Variants in CENPU observed in about 807,000 individuals in gnomAD.
CENPU encodes the protein centromere protein U.
In CENPU, 46 loss-of-function variants were observed where a neutral mutation model predicts 56.7. The observed-to-expected ratio is 0.81, with a 90% CI of 0.64 to 1.04. The LOEUF is 1.04. Ranked by LOEUF, CENPU falls within the 50% of genes least tolerant of loss-of-function variation. The pLI is 0.00. For missense variants in CENPU, 510 were observed against 490.1 expected, an observed-to-expected ratio of 1.04 and a Z score of -0.38; for synonymous variants, 166 against 163.0, an observed-to-expected ratio of 1.02 and a Z score of -0.14.
chr4:184,698,018 AGTG>A, intron 11 of CENPU: 1 of 494,880 alleles, frequency 2.0e-6, no homozygotes, highest in Non-Finnish European at 3.6e-6. Context: ...AATAATTAGC[AGTG>A]ATATCCACAG....
At chr4:184,706,700 T>C (rs936669281) in intron 8 of CENPU, among the ~76,000 whole-genome samples, 3 of 152,204 alleles carry the variant, frequency 2.0e-5, no homozygotes, top group Non-Finnish European at 2.9e-5. Flanking sequence ...GAGTGAAGTG[T>C]TTCACGTGGC....
intron 8 of CENPU, among the ~76,000 whole-genome samples, chr4:184,708,176 T>C (rs1760789735): frequency 7.6e-6 from 1 of 132,128 alleles, no homozygotes; most frequent in South Asian, 2.4e-4. Context: ...GGGACTGAGA[T>C]CGCGCTACGG....
At chr4:184,733,942 G>A in intron 1 of CENPU, 74 bp downstream of exon 1, 1 of 1,597,370 alleles carries the variant, frequency 6.3e-7, no homozygotes. Flanking sequence ...GCCGGGAGGC[G>A]CAAACCACGG....
In CENPU at chr4:184,694,537, ACAGATGAAG is replaced by A. The variant is rs145762735; in HGVS notation, c.*742_*750del. The stretch of plus-strand genomic sequence containing the variant: ...TGAAATAAAGGAAGAAGAGTTTACA[ACAGATGAAG>A]CAGATGAAACTAGGAGCAATGAAAC... On this transcript the variant is annotated 3_prime_UTR_variant, in exon 13 of 13. Transcript: ENST00000281453. 0.011 allele frequency: 17,205 copies of A among 1,613,116 alleles called. 1,460 individuals carry two copies. The African/African-American group carries it at 0.19, about 18-fold the overall frequency.
At position 184,694,773 on chromosome 4, in the gene CENPU, A is replaced by G. The variant is rs575622761; in HGVS notation, c.*515T>C. ...ATGAACTAATTATAGAAGTATTACA[A>G]GAGTAACTAATTCACTATGAACACT... On this transcript the variant is annotated 3_prime_UTR_variant, in exon 13 of 13. Coordinates refer to ENST00000281453, the MANE Select transcript of CENPU (RefSeq NM_024629.4). The G allele has an allele frequency of 2.3e-5, 37 of 1,607,116 alleles. No individual in the cohort carries two copies. The highest frequency in any genetic ancestry group is 2.0e-5 in the Non-Finnish European group (23 of 1,173,956).
At chr4:184,724,138 C>T (rs60259562) in intron 4 of CENPU, among the ~76,000 whole-genome samples, 17,510 of 150,508 alleles carry the variant, frequency 0.12, 1,236 homozygotes, top group Middle Eastern at 0.18. Flanking sequence ...TGGTGGCGGG[C>T]GCCTGTAGTC....
chr4:184,730,054 C>T (rs1761585076), intron 2 of CENPU, among the ~76,000 whole-genome samples: 1 of 152,172 alleles, frequency 6.6e-6, no homozygotes, highest in Admixed American at 6.5e-5. Flanking sequence ...GTCTTCCAGC[C>T]CCTCCCAAGG....
chr4:184,709,248 G>A (rs1001737460), intron 8 of CENPU, among the ~76,000 whole-genome samples: 2 of 152,102 alleles, frequency 1.3e-5, no homozygotes, highest in African/African-American at 4.8e-5. Context: ...CAGCACTTTG[G>A]GAGGCTGAGG....
At position 184,694,718 on chromosome 4, in the gene CENPU, G is replaced by A. The variant is rs976858896; in HGVS notation, c.*570C>T. 1.2e-6 allele frequency: 2 copies of A among 1,613,326 alleles called. No individual in the cohort carries two copies. The highest frequency in any genetic ancestry group is 2.2e-5 in the South Asian group (2 of 91,074). On this transcript the variant is annotated 3_prime_UTR_variant, in exon 13 of 13. Transcript: ENST00000281453. ...GAAGCTGCAGAGAACAGTCTTCTCAGTTATAACAGTGAAGTGGATGAAATT... is the reference window on the plus strand; with the variant it reads ...GAAGCTGCAGAGAACAGTCTTCTCAATTATAACAGTGAAGTGGATGAAATT...
Position 184,694,848 on chromosome 4 carries a change from T to TATCA in CENPU, c.*436_*439dup. 7.5e-7 allele frequency: 1 copy of TATCA among 1,337,694 alleles called. No individual in the cohort carries two copies. Among genetic ancestry groups the TATCA allele is most frequent in the East Asian group, 2.3e-5 (1 of 43,052 alleles). The allele number at this position is 1,337,694 out of a possible 1,614,324, so 82.9% of individuals were successfully genotyped here. A position where few individuals can be genotyped will look rare whatever the true frequency, so the allele number is the denominator to read the frequency against. ...TGATGTCTGTGAGATTTGATAAATA[T>TATCA]ATCATTCAACCTGTTTATATAAACT... On this transcript the variant is annotated 3_prime_UTR_variant, in exon 13 of 13. Coordinates refer to ENST00000281453, the MANE Select transcript of CENPU (RefSeq NM_024629.4).
Position 184,727,817 on chromosome 4 carries a change from A to G in CENPU, c.214+1101T>C, listed in dbSNP as rs73874437. Among the ~76,000 whole-genome samples the G allele has an allele frequency of 8.8e-3, 1,338 of 152,354 alleles. 19 individuals are homozygous for G. Among genetic ancestry groups the G allele is most frequent in the African/African-American group, 0.03 (1,267 of 41,586 alleles). ...CAATGGAGTATCACTGAGCTATAAA[A>G]ACTTACAGGAATGAGGTAGATACAC... On this transcript the variant is annotated intron_variant, in intron 3 of 12. Transcript: ENST00000281453.
chr4:184,726,987 C>T (rs1414035926), intron 3 of CENPU, among the ~76,000 whole-genome samples: 9 of 92,552 alleles, frequency 9.7e-5, no homozygotes, highest in Non-Finnish European at 2.0e-4. Flanking sequence ...GGGGGGGGGG[C>T]GCCTGGAATC....
intron 12 of CENPU, among the ~76,000 whole-genome samples, chr4:184,695,676 A>G (rs1407401974): frequency 6.6e-6 from 1 of 152,114 alleles, no homozygotes; most frequent in Non-Finnish European, 1.5e-5. Flanking sequence ...CATCTCTATT[A>G]CTGGAGACAG....
chr4:184,698,956 T>C (rs78541072), intron 11 of CENPU, among the ~76,000 whole-genome samples: 160 of 152,304 alleles, frequency 1.1e-3, no homozygotes, highest in African/African-American at 3.7e-3. Flanking sequence ...TACCATAGGT[T>C]TTTTTATTAT....
chr4:184,702,739 G>C (rs1433597605), intron 8 of CENPU, among the ~76,000 whole-genome samples: 3 of 152,078 alleles, frequency 2.0e-5, no homozygotes, highest in Admixed American at 2.0e-4. Flanking sequence ...CTTCCCTCTA[G>C]GAGTCCCCAG....
Position 184,728,918 on chromosome 4 carries a change from C to G in CENPU, c.214G>C (p.Asp72His). 6.2e-7 allele frequency: 1 copy of G among 1,608,196 alleles called. No homozygotes were observed. The highest frequency in any genetic ancestry group is 8.5e-7 in the Non-Finnish European group (1 of 1,174,872). ...EKDEETYETF[D>H]PPLHSTAIYA... ...TAGGATAAAGATTTAAAGTACTAACCAAAGGTCTCATAAGTTTCTTCATCT... is the reference window on the plus strand; with the variant it reads ...TAGGATAAAGATTTAAAGTACTAACGAAAGGTCTCATAAGTTTCTTCATCT... Residue 72 changes from aspartate (D) to histidine (H), a missense_variant and splice_region_variant, in exon 3 of 13, where the codon GAT becomes CAT. Physicochemically the swap from Asp to His is moderately conservative, Grantham distance 81. Coordinates refer to ENST00000281453, the MANE Select transcript of CENPU (RefSeq NM_024629.4).
chr4:184,697,881 G>A (rs113857672), intron 11 of CENPU, 78 bp from the exon 12 acceptor site: 40 of 1,139,658 alleles, frequency 3.5e-5, no homozygotes, highest in African/African-American at 7.8e-5. Context: ...TACGCTGAGC[G>A]AGTGTGAAGA....
chr4:184,720,015 C>A (rs1435099173), intron 4 of CENPU, among the ~76,000 whole-genome samples: 1 of 152,062 alleles, frequency 6.6e-6, no homozygotes, highest in Non-Finnish European at 1.5e-5. Context: ...TGAAACATGA[C>A]CTCATCAAAT....
At chr4:184,719,232 A>G (rs1761193165) in intron 4 of CENPU, among the ~76,000 whole-genome samples, 1 of 152,214 alleles carries the variant, frequency 6.6e-6, no homozygotes, top group Non-Finnish European at 1.5e-5. Context: ...TTGACTTCCC[A>G]CTGCTGAAAG....
Sources: allele counts gnomAD v4.1 joint callset (sites outside exome capture counted in the v4.1 genomes callset), GRCh38; gene constraint gnomAD v4.1.1; transcripts MANE v1.5; gene names NCBI Gene and HGNC (gene_info 2026-07-23, HGNC 2026-07-21).